The following WWOX variants were observed in gnomAD, a reference collection of about 807,000 sequenced individuals.
The protein encoded by WWOX is WW domain containing oxidoreductase, also known as WW domain-containing oxidoreductase.
Under a neutral mutation model 46.2 loss-of-function variants are expected in WWOX, and 69 were observed. The observed-to-expected ratio is 1.49, with a 90% confidence interval of 1.23 to 1.82. The LOEUF (loss-of-function observed/expected upper bound fraction) is 1.82. Among genes scored for constraint, WWOX ranks in the 40% most tolerant of loss-of-function variants. The probability of loss-of-function intolerance (pLI) is 0.00; values close to 1 mark genes in which losing one functional copy is unlikely to be tolerated. For synonymous variants in WWOX, 359 were observed against 202.6 expected, an observed-to-expected ratio of 1.77 and a Z score of -6.56; for missense variants, 919 against 542.6, an observed-to-expected ratio of 1.69 and a Z score of -6.89.
intron 8 of WWOX, among the ~76,000 whole-genome samples, chr16:78,599,122 C>T (rs1355726770): frequency 6.6e-6 from 1 of 152,164 alleles, no homozygotes; most frequent in African/African-American, 2.4e-5. Context: ...CTGCTCTCAG[C>T]TAAACTCCAG....
At chr16:78,398,320 G>T (rs576927111) in intron 6 of WWOX, among the ~76,000 whole-genome samples, 13 of 152,096 alleles carry the variant, frequency 8.5e-5, no homozygotes, top group Non-Finnish European at 1.5e-4. Flanking sequence ...TCTCTGCTCC[G>T]CTGCTTATGT....
At chr16:79,089,176 A>G (rs2048907427) in intron 8 of WWOX, among the ~76,000 whole-genome samples, 1 of 152,208 alleles carries the variant, frequency 6.6e-6, no homozygotes, top group Non-Finnish European at 1.5e-5. Flanking sequence ...TTATAGCTGC[A>G]TAACTGGTTT....
intron 8 of WWOX, among the ~76,000 whole-genome samples, chr16:78,452,013 G>A (rs898274771): frequency 6.6e-6 from 1 of 152,096 alleles, no homozygotes; most frequent in Non-Finnish European, 1.5e-5. Flanking sequence ...TCTGTTTTTA[G>A]TGACTCTAAT....
At chr16:78,992,680 C>G (rs4888003) in intron 8 of WWOX, among the ~76,000 whole-genome samples, 149,297 of 152,200 alleles carry the variant, frequency 0.98, 73,307 homozygotes, top group East Asian at 1. Flanking sequence ...AAGCCTCAAG[C>G]CTAACCAACA....
At chr16:78,584,224 T>C (rs902267492) in intron 8 of WWOX, among the ~76,000 whole-genome samples, 5 of 152,226 alleles carry the variant, frequency 3.3e-5, no homozygotes, top group Non-Finnish European at 5.9e-5. Context: ...ATAGCTAGTA[T>C]TTATTGCCAT....
chr16:78,463,283 G>T (rs775567917), intron 8 of WWOX, among the ~76,000 whole-genome samples: 2 of 152,168 alleles, frequency 1.3e-5, no homozygotes, highest in Non-Finnish European at 2.9e-5. Flanking sequence ...GTATAGGTAG[G>T]CATTGTCCAT....
chr16:78,833,481 C>T (rs1465900682), intron 8 of WWOX, among the ~76,000 whole-genome samples: 2 of 151,992 alleles, frequency 1.3e-5, no homozygotes, highest in Non-Finnish European at 2.9e-5. Context: ...CATCATTGTC[C>T]TCTTCTGCGA....
intron 8 of WWOX, among the ~76,000 whole-genome samples, chr16:79,158,440 AGCGGATG>A: frequency 6.6e-6 from 1 of 152,318 alleles, no homozygotes; most frequent in African/African-American, 2.4e-5. Context: ...GGAATCACCC[AGCGGATG>A]GCGTTTAACT....
At chr16:78,425,177 G>A (rs569753154) in intron 7 of WWOX, 122 bp downstream of exon 7, 1 of 1,337,846 alleles carries the variant, frequency 7.5e-7, no homozygotes, top group Non-Finnish European at 1.0e-6. Flanking sequence ...GGTGGACTCA[G>A]CTTGGCTCAC....
At chr16:78,801,065 T>G (rs2050873012) in intron 8 of WWOX, among the ~76,000 whole-genome samples, 1 of 152,102 alleles carries the variant, frequency 6.6e-6, no homozygotes, top group African/African-American at 2.4e-5. Context: ...CTCTTTTTTT[T>G]TTTTTAAAGA....
At chr16:78,421,003 C>A (rs1450172735) in intron 6 of WWOX, among the ~76,000 whole-genome samples, 1 of 151,896 alleles carries the variant, frequency 6.6e-6, no homozygotes, top group African/African-American at 2.4e-5. Flanking sequence ...ATTATTTATC[C>A]ACTTCTCTGT....
intron 8 of WWOX, among the ~76,000 whole-genome samples, chr16:78,625,161 C>T (rs535304167): frequency 3.3e-5 from 5 of 152,304 alleles, no homozygotes; most frequent in African/African-American, 7.2e-5. Context: ...TCACCAATCA[C>T]GCTGAGGGAT....
chr16:78,953,450 A>G (rs530470152), intron 8 of WWOX, among the ~76,000 whole-genome samples: 14 of 148,240 alleles, frequency 9.4e-5, no homozygotes, highest in African/African-American at 3.6e-4. Flanking sequence ...CAGTCCCTTT[A>G]GGACCTCTGC....
At chr16:78,367,714 C>T (rs2081571220) in intron 5 of WWOX, among the ~76,000 whole-genome samples, 1 of 151,688 alleles carries the variant, frequency 6.6e-6, no homozygotes, top group Admixed American at 6.6e-5. Flanking sequence ...TGACTTGTCA[C>T]AATGGACGGA....
Position 78,186,468 on chromosome 16 carries a change from A to G in WWOX, c.516+22179A>G, listed in dbSNP as rs2035707752. ...TTTATTCTTTACATTCGTCTTTTAA[A>G]AAGCTTTATTTTATGCCAGATGCAG... On this transcript the variant is annotated intron_variant, in intron 5 of 8. Transcript: ENST00000566780. Among the ~76,000 whole-genome samples the G allele has an allele frequency of 2.6e-5, 4 of 152,184 alleles. No individual in the cohort carries two copies. In the South Asian group the frequency reaches 8.3e-4, roughly 32 times the overall value.
intron 8 of WWOX, among the ~76,000 whole-genome samples, chr16:79,125,598 G>C (rs1387611573): frequency 6.6e-6 from 1 of 151,848 alleles, no homozygotes; most frequent in Non-Finnish European, 1.5e-5. Context: ...CTGGACCCTT[G>C]GGATGAAGAC....
rs113501297 is a variant in WWOX, at chr16:78,217,066, A to T, written c.516+52777A>T. Among the ~76,000 whole-genome samples, 353 of 152,296 alleles carry T rather than the reference A, an allele frequency of 2.3e-3. 2 individuals carry two copies. The highest frequency in any genetic ancestry group is 7.4e-3 in the African/African-American group (306 of 41,552). ...CGAGGTAATTAACAACCTTAATTTC[A>T]CCGGTAACCTGAATTCTCCTTTGCC... is the stretch of plus-strand genomic sequence containing the variant. On this transcript the variant is annotated intron_variant, in intron 5 of 8. Transcript: ENST00000566780.
intron 8 of WWOX, among the ~76,000 whole-genome samples, chr16:79,065,791 A>G (rs751832433): frequency 6.6e-6 from 1 of 152,168 alleles, no homozygotes; most frequent in African/African-American, 2.4e-5. Flanking sequence ...ACTTTGCCCT[A>G]TGCCCAGGGA....
At chr16:78,672,089 C>G (rs931544556) in intron 8 of WWOX, among the ~76,000 whole-genome samples, 3 of 152,188 alleles carry the variant, frequency 2.0e-5, no homozygotes, top group South Asian at 4.1e-4. Context: ...TCTTACTTCA[C>G]AACTCTCCAC....
Sources: gnomAD v4.1 joint callset for allele counts (sites outside exome capture counted in the v4.1 genomes callset) on GRCh38, gnomAD v4.1.1 for gene constraint, MANE v1.5 for transcripts, NCBI Gene and HGNC (gene_info 2026-07-23, HGNC 2026-07-21) for gene names.